The following GRID1 variants were observed in gnomAD, a reference collection of about 807,000 sequenced individuals.
GRID1 encodes the protein glutamate ionotropic receptor delta type subunit 1, also known as glutamate receptor ionotropic, delta-1.
Under a neutral mutation model 98.0 loss-of-function variants are expected in GRID1, and 28 were observed. That is an observed-to-expected ratio of 0.29 (90% CI 0.21 to 0.39). The LOEUF (loss-of-function observed/expected upper bound fraction) is 0.39. Among genes scored for constraint, GRID1 ranks in the 10% least tolerant of loss-of-function variants. The pLI, the probability that GRID1 is intolerant of heterozygous loss-of-function variation, is 1.00. For synonymous variants in GRID1, 553 were observed against 538.5 expected (o/e 1.03, Z -0.37); for missense variants, 1,111 against 1,340.5 (o/e 0.83, Z 2.67).
chr10:85,837,325 G>C (rs1373105147), intron 8 of GRID1, among the ~76,000 whole-genome samples: 2 of 152,166 alleles, frequency 1.3e-5, no homozygotes, highest in Non-Finnish European at 2.9e-5. Flanking sequence ...GTCTCCATCA[G>C]GGTTCCTCCT....
At chr10:85,949,611 G>A (rs1258993356) in intron 4 of GRID1, among the ~76,000 whole-genome samples, 3 of 152,102 alleles carry the variant, frequency 2.0e-5, no homozygotes, top group Non-Finnish European at 4.4e-5. Context: ...GCTCTGATGA[G>A]CACAATCTTT....
intron 4 of GRID1, among the ~76,000 whole-genome samples, chr10:86,036,653 C>T (rs982706320): frequency 6.6e-6 from 1 of 152,206 alleles, no homozygotes; most frequent in African/African-American, 2.4e-5. Context: ...CTTGTGAGAC[C>T]TTCTCACTGC....
intron 13 of GRID1, among the ~76,000 whole-genome samples, chr10:85,622,381 C>T (rs935339424): frequency 1.3e-5 from 2 of 152,114 alleles, no homozygotes; most frequent in Non-Finnish European, 2.9e-5. Flanking sequence ...TAAACAGGGA[C>T]TAAGTTCATC....
At chr10:85,878,495 C>T (rs1321092161) in intron 5 of GRID1, among the ~76,000 whole-genome samples, 1 of 152,138 alleles carries the variant, frequency 6.6e-6, no homozygotes, top group Non-Finnish European at 1.5e-5. Flanking sequence ...AATTTTCAAT[C>T]CAGAATTTCA....
chr10:86,280,771 C>T (rs1488568433), intron 2 of GRID1, among the ~76,000 whole-genome samples: 1 of 152,192 alleles, frequency 6.6e-6, no homozygotes, highest in Non-Finnish European at 1.5e-5. Context: ...TTCACTGCTC[C>T]CCATACCTCC....
intron 2 of GRID1, among the ~76,000 whole-genome samples, chr10:86,278,362 T>A (rs1278534534): frequency 1.3e-5 from 2 of 152,134 alleles, no homozygotes; most frequent in East Asian, 3.8e-4. Context: ...GTTTCTACTT[T>A]AAGAATTTGT....
intron 5 of GRID1, among the ~76,000 whole-genome samples, chr10:85,876,507 G>C (rs1010214580): frequency 1.8e-4 from 28 of 152,236 alleles, no homozygotes; most frequent in African/African-American, 6.7e-4. Flanking sequence ...CATCATATCT[G>C]CAAAATGTCC....
chr10:85,607,921 A>T (rs1350554534), intron 15 of GRID1, among the ~76,000 whole-genome samples: 2 of 151,186 alleles, frequency 1.3e-5, no homozygotes, highest in Non-Finnish European at 2.9e-5. Flanking sequence ...GGGCTCAAGC[A>T]ATCCTCTTGC....
chr10:86,094,813 C>A (rs372140671), intron 4 of GRID1, among the ~76,000 whole-genome samples: 13 of 150,694 alleles, frequency 8.6e-5, no homozygotes, highest in Non-Finnish European at 1.8e-4. Flanking sequence ...ATACCGCCAT[C>A]GTTCTTCACA....
At chr10:85,914,741 G>A (rs769589371) in intron 5 of GRID1, among the ~76,000 whole-genome samples, 1 of 152,186 alleles carries the variant, frequency 6.6e-6, no homozygotes, top group African/African-American at 2.4e-5. Flanking sequence ...TGAGGAAACA[G>A]ACATCATAAA....
chr10:85,900,408 T>C (rs1014091898), intron 5 of GRID1, among the ~76,000 whole-genome samples: 3 of 152,198 alleles, frequency 2.0e-5, no homozygotes, highest in African/African-American at 7.2e-5. Context: ...GGAAGACAGA[T>C]GGATAGGAAT....
chr10:85,975,459 T>C (rs1434083640), intron 4 of GRID1, among the ~76,000 whole-genome samples: 1 of 152,324 alleles, frequency 6.6e-6, no homozygotes, highest in Middle Eastern at 3.4e-3. Context: ...AAGAGGGCGA[T>C]TGTCCTAATT....
At chr10:85,962,726 G>T (rs1476751854) in intron 4 of GRID1, among the ~76,000 whole-genome samples, 1 of 152,192 alleles carries the variant, frequency 6.6e-6, no homozygotes, top group Non-Finnish European at 1.5e-5. Flanking sequence ...CTCTGCTCAG[G>T]TTTGGGAGGT....
intron 3 of GRID1, among the ~76,000 whole-genome samples, chr10:86,169,275 T>C (rs1308969193): frequency 1.3e-5 from 2 of 152,202 alleles, no homozygotes; most frequent in African/African-American, 4.8e-5. Context: ...GCAAGTACTG[T>C]TGAGCTTGTC....
At chr10:86,040,449 T>C (rs889978099) in intron 4 of GRID1, among the ~76,000 whole-genome samples, 6 of 149,502 alleles carry the variant, frequency 4.0e-5, no homozygotes, top group African/African-American at 1.2e-4. Context: ...GGATGAGTCA[T>C]TACGTTAAGG....
chr10:85,623,804 A>G (rs1842882092), intron 13 of GRID1, among the ~76,000 whole-genome samples: 1 of 152,180 alleles, frequency 6.6e-6, no homozygotes, highest in East Asian at 1.9e-4. Context: ...CACATTAGGA[A>G]GCATTTGTCA....
At chr10:86,327,724 C>T (rs1011633762) in intron 2 of GRID1, among the ~76,000 whole-genome samples, 5 of 152,094 alleles carry the variant, frequency 3.3e-5, no homozygotes, top group South Asian at 2.1e-4. Flanking sequence ...AATGAGGTAC[C>T]GCCTATCAGC....
chr10:86,215,168 G>A (rs1013627584), intron 2 of GRID1, among the ~76,000 whole-genome samples: 2 of 152,188 alleles, frequency 1.3e-5, no homozygotes, highest in Admixed American at 1.3e-4. Context: ...CTCACCAGGA[G>A]CACTACCAGG....
At chr10:86,205,581 C>G (rs1298342178) in intron 3 of GRID1, among the ~76,000 whole-genome samples, 1 of 152,154 alleles carries the variant, frequency 6.6e-6, no homozygotes, top group East Asian at 1.9e-4. Flanking sequence ...TGTGGGGGAA[C>G]CTGGGTGAAG....
Sources: gnomAD v4.1 joint callset for allele counts (sites outside exome capture counted in the v4.1 genomes callset) on GRCh38, gnomAD v4.1.1 for gene constraint, MANE v1.5 for transcripts, NCBI Gene and HGNC (gene_info 2026-07-23, HGNC 2026-07-21) for gene names.